HS6ST2: variants seen among roughly 807,000 people sequenced by gnomAD.
The protein encoded by HS6ST2 is heparan-sulfate 6-O-sulfotransferase 2.
Under a neutral mutation model 33.0 loss-of-function variants are expected in HS6ST2, and 17 were observed. That is an observed-to-expected ratio of 0.52 (90% CI 0.35 to 0.77). The LOEUF (loss-of-function observed/expected upper bound fraction) is 0.77, where lower values mean the gene tolerates loss of function less well. HS6ST2 is among the 30% of genes least tolerant of loss of function. The pLI, the probability that HS6ST2 is intolerant of heterozygous loss-of-function variation, is 0.01. For synonymous variants in HS6ST2, 248 were observed against 237.1 expected (o/e 1.05, Z -0.42); for missense variants, 519 against 551.7 (o/e 0.94, Z 0.59).
intron 2 of HS6ST2, among the ~76,000 whole-genome samples, chrX:132,715,485 G>A (rs1028031263): frequency 8.9e-6 from 1 of 111,855 alleles, no homozygotes; most frequent in Non-Finnish European, 1.9e-5. Context: ...TCACAAACTC[G>A]GGGATATGTC....
intron 3 of HS6ST2, among the ~76,000 whole-genome samples, chrX:132,706,901 C>T (rs243470): frequency 0.3 from 33,575 of 110,700 alleles, 3,980 homozygotes; most frequent in Non-Finnish European, 0.35. Context: ...TTACCAAAAC[C>T]GTTTCTTTCC....
chrX:132,913,320 G>A (rs1054175398), intron 2 of HS6ST2, among the ~76,000 whole-genome samples: 3 of 112,183 alleles, frequency 2.7e-5, no homozygotes, highest in South Asian at 3.7e-4. Flanking sequence ...CTGGGGCTGC[G>A]GGCTGGAGCA....
At chrX:132,767,136 T>C (rs1602654444) in intron 2 of HS6ST2, among the ~76,000 whole-genome samples, 1 of 112,790 alleles carries the variant, frequency 8.9e-6, no homozygotes, top group East Asian at 2.8e-4. Context: ...TCAATGGAAC[T>C]AATGCTCCAG....
At chrX:132,947,616 G>T (rs2066971127) in intron 2 of HS6ST2, among the ~76,000 whole-genome samples, 1 of 111,759 alleles carries the variant, frequency 8.9e-6, no homozygotes, top group African/African-American at 3.2e-5. Flanking sequence ...TTTGCATAGT[G>T]TACCTATTCC....
intron 3 of HS6ST2, 34 bp from the exon 4 acceptor site, chrX:132,669,233 C>G: frequency 8.8e-7 from 1 of 1,130,970 alleles, no homozygotes; most frequent in Non-Finnish European, 1.2e-6. Flanking sequence ...AACATATACA[C>G]AACAAGGACC....
chrX:132,660,218 C>G (rs1185849147), intron 4 of HS6ST2, among the ~76,000 whole-genome samples: 2 of 111,841 alleles, frequency 1.8e-5, no homozygotes, highest in Non-Finnish European at 3.8e-5. Flanking sequence ...AGAGTAGCAT[C>G]TTGTACCTAC....
At chrX:132,762,968 T>C (rs901110188) in intron 2 of HS6ST2, among the ~76,000 whole-genome samples, 29 of 112,095 alleles carry the variant, frequency 2.6e-4, no homozygotes, top group African/African-American at 7.8e-4. Flanking sequence ...CTGAATGTCA[T>C]TTTCCTCCTC....
intron 2 of HS6ST2, among the ~76,000 whole-genome samples, chrX:132,774,288 G>C (rs989197951): frequency 8.9e-6 from 1 of 112,620 alleles, no homozygotes; most frequent in East Asian, 2.8e-4. Flanking sequence ...GGTTTAGGGG[G>C]TTGAGAGAAA....
At chrX:132,640,184 G>A (rs1333993475) in intron 4 of HS6ST2, among the ~76,000 whole-genome samples, 2 of 110,270 alleles carry the variant, frequency 1.8e-5, no homozygotes, top group Middle Eastern at 4.6e-3. Flanking sequence ...AGCTTTCAAC[G>A]GGCTTAGAAT....
chrX:132,955,011 C>T (rs1391479144), intron 2 of HS6ST2, among the ~76,000 whole-genome samples: 2 of 111,601 alleles, frequency 1.8e-5, no homozygotes, highest in Non-Finnish European at 3.8e-5. Flanking sequence ...GCACATGTGC[C>T]CCATGGAACT....
chrX:132,746,491 C>G (rs963053808), intron 2 of HS6ST2, among the ~76,000 whole-genome samples: 8 of 109,680 alleles, frequency 7.3e-5, no homozygotes, highest in Non-Finnish European at 1.1e-4. Context: ...AGCGAGACTC[C>G]GTCTCAAAAA....
chrX:132,672,783 C>A (rs763356708), intron 3 of HS6ST2, among the ~76,000 whole-genome samples: 1 of 112,400 alleles, frequency 8.9e-6, no homozygotes, highest in Admixed American at 9.4e-5. Context: ...TTGCAACTAA[C>A]CCAACTCTTC....
chrX:132,745,272 A>G (rs1406321505), intron 2 of HS6ST2, among the ~76,000 whole-genome samples: 1 of 111,617 alleles, frequency 9.0e-6, no homozygotes, highest in Admixed American at 9.5e-5. Context: ...TTTTGGTGGA[A>G]ACAGGGTTTC....
At chrX:132,787,875 A>G (rs2065082071) in intron 2 of HS6ST2, among the ~76,000 whole-genome samples, 1 of 107,908 alleles carries the variant, frequency 9.3e-6, no homozygotes, top group African/African-American at 3.4e-5. Context: ...TAGGTGACAG[A>G]GCGAGACTCC....
At chrX:132,821,447 T>C (rs913740964) in intron 2 of HS6ST2, among the ~76,000 whole-genome samples, 6 of 109,445 alleles carry the variant, frequency 5.5e-5, no homozygotes, top group East Asian at 2.9e-4. Context: ...CTCCTGACCT[T>C]GTGATCCGCC....
At chrX:132,949,222 C>T (rs1007953418) in intron 2 of HS6ST2, among the ~76,000 whole-genome samples, 1 of 108,341 alleles carries the variant, frequency 9.2e-6, no homozygotes, top group African/African-American at 3.4e-5. Flanking sequence ...CTCTTCCAGC[C>T]AGACCATCAG....
At chrX:132,824,505 C>T (rs1436807204) in intron 2 of HS6ST2, among the ~76,000 whole-genome samples, 1 of 112,325 alleles carries the variant, frequency 8.9e-6, no homozygotes, top group Non-Finnish European at 1.9e-5. Flanking sequence ...TAAAGGAATT[C>T]AAAGTGTTGG....
intron 2 of HS6ST2, among the ~76,000 whole-genome samples, chrX:132,946,099 G>A (rs765881381): frequency 4.5e-4 from 50 of 111,946 alleles, no homozygotes; most frequent in African/African-American, 1.2e-3. Context: ...TTAGAATGGC[G>A]ATCATTAAAA....
intron 2 of HS6ST2, among the ~76,000 whole-genome samples, chrX:132,825,063 T>C (rs1416896037): frequency 1.8e-5 from 2 of 112,210 alleles, no homozygotes; most frequent in Non-Finnish European, 3.8e-5. Flanking sequence ...TGGCAAACAC[T>C]AGCATAGCTC....
Sources: gnomAD v4.1 joint callset for allele counts (sites outside exome capture counted in the v4.1 genomes callset) on GRCh38, gnomAD v4.1.1 for gene constraint, MANE v1.5 for transcripts, NCBI Gene and HGNC (gene_info 2026-07-23, HGNC 2026-07-21) for gene names.